The following EFHD2 variants were observed in gnomAD, a reference collection of about 807,000 sequenced individuals.
EFHD2 encodes the protein EF-hand domain-containing protein D2.
In EFHD2, 12 loss-of-function variants were observed where a neutral mutation model predicts 20.3. The ratio of observed to expected loss-of-function variants is 0.59; its 90% CI spans 0.38 to 0.96. The LOEUF (loss-of-function observed/expected upper bound fraction) is 0.96. Among genes scored for constraint, EFHD2 ranks in the 40% least tolerant of loss-of-function variants. The pLI is 0.00. For synonymous variants in EFHD2, 131 were observed against 143.9 expected, an observed-to-expected ratio of 0.91 and a Z score of 0.64; for missense variants, 250 against 334.3, an observed-to-expected ratio of 0.75 and a Z score of 1.97.
chr1:15,418,541 G>A (rs1029146675), intron 1 of EFHD2, among the ~76,000 whole-genome samples: 6 of 152,002 alleles, frequency 3.9e-5, no homozygotes, highest in East Asian at 3.9e-4. Context: ...TCCTGACCTT[G>A]TGATCCGCCC....
chr1:15,422,129 G>A (rs1379455616), intron 1 of EFHD2, among the ~76,000 whole-genome samples: 1 of 98,406 alleles, frequency 1.0e-5, no homozygotes, highest in Non-Finnish European at 1.9e-5. Context: ...GTCTTGCTTT[G>A]TCGCCCAGGC....
intron 1 of EFHD2, among the ~76,000 whole-genome samples, chr1:15,416,296 G>A (rs1416057294): frequency 6.6e-6 from 1 of 152,166 alleles, no homozygotes; most frequent in Non-Finnish European, 1.5e-5. Flanking sequence ...GCTGCCTCAG[G>A]GGATGTCAGA....
rs1169282407 is a variant in EFHD2 at position 15,413,600 on chromosome 1, C to T, written c.308+3321C>T. On this transcript the variant is annotated intron_variant, in intron 1 of 3. Coordinates refer to ENST00000375980, the MANE Select transcript of EFHD2 (RefSeq NM_024329.6). The surrounding 1 kb of genome is among the most constrained non-coding windows in gnomAD (Gnocchi z 4.4). Reference sequence around the variant, plus strand: ...AGACTGTCAGCCATCACTGGTCTCACACCTAGAGTCATTCAGGTTCCTCCT... The same window carrying T: ...AGACTGTCAGCCATCACTGGTCTCATACCTAGAGTCATTCAGGTTCCTCCT... 6.6e-6 allele frequency among the ~76,000 whole-genome samples: 1 copy of T among 152,172 alleles called. No individual in the cohort carries two copies. Among genetic ancestry groups the T allele is most frequent in the Non-Finnish European group, 1.5e-5 (1 of 68,036 alleles).
Position 15,414,910 on chromosome 1 carries a change from G to A in EFHD2, c.308+4631G>A, listed in dbSNP as rs543629382. Among the ~76,000 whole-genome samples, 15 of 152,306 alleles carry A rather than the reference G, an allele frequency of 9.8e-5. No homozygotes were observed. The South Asian group carries it at 2.1e-3, about 21-fold the overall frequency. ...TGGAGGGTGCACAATGGGGATTCCC[G>A]TCTGCCACCACCCAGCTGGGTTGCT... is the stretch of plus-strand genomic sequence containing the variant. On this transcript the variant is annotated intron_variant, in intron 1 of 3. Transcript: ENST00000375980.
Position 15,410,070 on chromosome 1 carries a change from AGCGGCG to A in EFHD2, c.110_115del (p.Ala37_Ala38del). On this transcript the variant is annotated inframe_deletion, in exon 1 of 4. Coordinates refer to ENST00000375980, the MANE Select transcript of EFHD2 (RefSeq NM_024329.6). The stretch of plus-strand genomic sequence containing the variant: ...CGGAGCAGCCCGGGCTGAACGGGGC[AGCGGCG>A]GCGGCGGCGGGGGCACCCGACGAGG... 2 of 1,377,246 alleles carry A rather than the reference AGCGGCG, an allele frequency of 1.5e-6. No individual in the cohort carries two copies. The highest frequency in any genetic ancestry group is 1.9e-6 in the Non-Finnish European group (2 of 1,069,990). The allele number at this position is 1,377,246 out of a possible 1,614,324, so 85.3% of individuals were successfully genotyped here.
chr1:15,425,634 G>A (rs546511200), intron 1 of EFHD2, among the ~76,000 whole-genome samples: 1 of 152,150 alleles, frequency 6.6e-6, no homozygotes, highest in East Asian at 1.9e-4. Flanking sequence ...AAAAGTTAGC[G>A]CTATTCGACA....
intron 1 of EFHD2, among the ~76,000 whole-genome samples, chr1:15,416,359 C>T (rs1416046644): frequency 6.6e-6 from 1 of 152,066 alleles, no homozygotes; most frequent in Non-Finnish European, 1.5e-5. Flanking sequence ...ACTTTGCAGC[C>T]TCAGCAGGGA....
At chr1:15,419,346 A>G (rs1045479730) in intron 1 of EFHD2, among the ~76,000 whole-genome samples, 26 of 152,374 alleles carry the variant, frequency 1.7e-4, no homozygotes, top group Admixed American at 5.2e-4. Context: ...GCACGGTGCC[A>G]GGCCCCGCAG....
chr1:15,425,779 A>T, intron 1 of EFHD2, 92 bp from the exon 2 acceptor site: 1 of 1,513,732 alleles, frequency 6.6e-7, no homozygotes, highest in East Asian at 2.5e-5. Flanking sequence ...TTGGTAGGAG[A>T]TGCCCTCTGA....
intron 1 of EFHD2, among the ~76,000 whole-genome samples, chr1:15,424,317 CA>C: frequency 6.6e-6 from 1 of 152,302 alleles, no homozygotes; most frequent in African/African-American, 2.4e-5. Flanking sequence ...CCCAGCTGGG[CA>C]AACAGCGCCT....
intron 1 of EFHD2, among the ~76,000 whole-genome samples, chr1:15,417,991 T>C (rs867197234): frequency 0.04 from 5,642 of 139,358 alleles, 464 homozygotes; most frequent in African/African-American, 0.14. Flanking sequence ...CTTTTTTTTT[T>C]TTTTTTTTTT....
Position 15,411,427 on chromosome 1 carries a change from G to A in EFHD2, c.308+1148G>A, listed in dbSNP as rs1707511056. 3.3e-5 allele frequency among the ~76,000 whole-genome samples: 5 copies of A among 152,258 alleles called. No homozygotes were observed. In the South Asian group the frequency reaches 6.2e-4, roughly 19 times the overall value. ...TGTCTCTGTGGAGGGGCTAGGGAGA[G>A]AGGGCCCAGCTCCCTCCGGCCCATC... On this transcript the variant is annotated intron_variant, in intron 1 of 3. Coordinates refer to ENST00000375980, the MANE Select transcript of EFHD2 (RefSeq NM_024329.6).
intron 1 of EFHD2, among the ~76,000 whole-genome samples, chr1:15,421,658 G>C (rs1481171296): frequency 6.6e-6 from 1 of 152,210 alleles, no homozygotes; most frequent in Non-Finnish European, 1.5e-5. Flanking sequence ...CACTTTATCT[G>C]CACTTCCTCT....
Position 15,428,675 on chromosome 1 carries a change from T to C in EFHD2, c.674T>C (p.Met225Thr). The C allele has an allele frequency of 6.2e-7, 1 of 1,606,282 alleles. No individual in the cohort carries two copies. Among genetic ancestry groups the C allele is most frequent in the Non-Finnish European group, 8.5e-7 (1 of 1,177,034 alleles). ...QEERKKQAEE[M>T]KQRKAAFKEL... is the part of the protein sequence containing the mutation. ...GAAAGGAAGAAGCAGGCGGAGGAGA[T>C]GAAGCAGCGGAAAGCGGCCTTCAAG... The change falls in exon 4 of 4, where the codon ATG becomes ACG. Residue 225 changes from methionine to threonine, a missense_variant. Met to Thr is a moderately conservative substitution (Grantham distance 81). Transcript: ENST00000375980.
intron 1 of EFHD2, among the ~76,000 whole-genome samples, chr1:15,418,540 T>C (rs35489138): frequency 0.22 from 33,257 of 148,068 alleles, 4,134 homozygotes; most frequent in African/African-American, 0.35. Context: ...CTCCTGACCT[T>C]GTGATCCGCC....
At chr1:15,416,545 C>T (rs1194663236) in intron 1 of EFHD2, among the ~76,000 whole-genome samples, 1 of 152,206 alleles carries the variant, frequency 6.6e-6, no homozygotes, top group East Asian at 1.9e-4. Flanking sequence ...AAACCAGATG[C>T]TTTGCCTCCC....
chr1:15,428,514 A>C, intron 3 of EFHD2, 79 bp from the exon 4 acceptor site: 1 of 1,488,070 alleles, frequency 6.7e-7, no homozygotes, highest in Non-Finnish European at 9.0e-7. Context: ...TTAAAGAAAA[A>C]AGAAAAAGCA....
intron 1 of EFHD2, among the ~76,000 whole-genome samples, chr1:15,418,526 C>G (rs549134910): frequency 2.0e-5 from 3 of 150,622 alleles, no homozygotes; most frequent in Non-Finnish European, 4.4e-5. Context: ...AGGATGGTCT[C>G]AATCTCCTGA....
At chr1:15,416,747 C>T (rs992805314) in intron 1 of EFHD2, among the ~76,000 whole-genome samples, 9 of 150,970 alleles carry the variant, frequency 6.0e-5, no homozygotes, top group African/African-American at 1.7e-4. Flanking sequence ...GCAGCTTCAC[C>T]GCCCGGGAGT....
Sources: allele counts gnomAD v4.1 joint callset (sites outside exome capture counted in the v4.1 genomes callset), GRCh38; gene constraint gnomAD v4.1.1; non-coding constraint Gnocchi (gnomAD v3.1); transcripts MANE v1.5; gene names NCBI Gene and HGNC (gene_info 2026-07-23, HGNC 2026-07-21).